Variants in BLNK observed in about 807,000 individuals in gnomAD.
The protein encoded by BLNK is B cell linker.
In BLNK, 29 loss-of-function variants were observed where a neutral mutation model predicts 73.5. The ratio of observed to expected loss-of-function variants is 0.39; its 90% CI spans 0.29 to 0.54. The LOEUF is 0.54. Ranked by LOEUF, BLNK falls within the 20% of genes least tolerant of loss-of-function variation. The pLI, the probability that BLNK is intolerant of heterozygous loss-of-function variation, is 0.61. For missense variants in BLNK, 460 were observed against 562.8 expected (o/e 0.82, Z 1.85); for synonymous variants, 176 against 200.8 (o/e 0.88, Z 1.04).
rs966741951 is a variant in BLNK at position 96,207,052 on chromosome 10, G to A, written c.776C>T (p.Thr259Ile). ...AGCATTCTGTTGAGAGGCAACTGGA[G>A]TCTATGTAAAAGAAAAAAAGGCAAG... ...GKKPTTPLKTTPVASQQNASS... is the reference protein window; with the variant it reads ...GKKPTTPLKTIPVASQQNASS... The change falls in exon 11 of 17, where the codon ACT (threonine) becomes ATT (isoleucine). Residue 259 changes from threonine (T) to isoleucine (I), a missense_variant and splice_region_variant. Transcript: ENST00000224337. The A allele has an allele frequency of 1.2e-6, 2 of 1,613,746 alleles. No individual in the cohort carries two copies. The highest frequency in any genetic ancestry group is 3.3e-5 in the Admixed American group (2 of 60,006).
At chr10:96,259,670 CTT>C (rs57821919) in intron 1 of BLNK, among the ~76,000 whole-genome samples, 1 of 44,870 alleles carries the variant, frequency 2.2e-5, no homozygotes, top group African/African-American at 9.7e-5. Context: ...CACACCCTAC[CTT>C]TTTTTTTTTT....
intron 2 of BLNK, among the ~76,000 whole-genome samples, chr10:96,246,460 G>C (rs932283086): frequency 2.0e-5 from 3 of 152,218 alleles, no homozygotes; most frequent in Non-Finnish European, 4.4e-5. Flanking sequence ...GCCGAGGCAG[G>C]AGAATCGCTT....
intron 2 of BLNK, among the ~76,000 whole-genome samples, chr10:96,243,023 A>C (rs1333761494): frequency 1.3e-5 from 2 of 152,172 alleles, no homozygotes; most frequent in Non-Finnish European, 2.9e-5. Context: ...GGCAAAGGTG[A>C]AGTCAGGTGG....
At chr10:96,254,461 G>A (rs945634328) in intron 1 of BLNK, among the ~76,000 whole-genome samples, 9 of 152,118 alleles carry the variant, frequency 5.9e-5, no homozygotes, top group Admixed American at 5.2e-4. Context: ...ACTCTAACCC[G>A]AGGAGCTGAC....
intron 3 of BLNK, among the ~76,000 whole-genome samples, chr10:96,231,163 G>A (rs189649846): frequency 1.1e-3 from 173 of 152,292 alleles, no homozygotes; most frequent in South Asian, 2.1e-3. Context: ...AGAGGATGGC[G>A]TAGTAGGAAC....
intron 1 of BLNK, among the ~76,000 whole-genome samples, chr10:96,266,223 C>T (rs1304053892): frequency 2.0e-5 from 3 of 152,166 alleles, no homozygotes; most frequent in African/African-American, 7.2e-5. Flanking sequence ...AAATACATGC[C>T]TGAAGAGTTT....
chr10:96,257,901 C>T (rs1843584946), intron 1 of BLNK, among the ~76,000 whole-genome samples: 1 of 152,204 alleles, frequency 6.6e-6, no homozygotes, highest in African/African-American at 2.4e-5. Flanking sequence ...TATAGGCAGA[C>T]CGGAGAATTC....
At chr10:96,246,954 A>G in intron 2 of BLNK, 30 bp downstream of exon 2, 7 of 1,487,610 alleles carry the variant, frequency 4.7e-6, no homozygotes, top group Non-Finnish European at 6.5e-6. Flanking sequence ...TATTTTATAT[A>G]ATTAAGTATT....
chr10:96,263,022 C>T (rs1206210919), intron 1 of BLNK, among the ~76,000 whole-genome samples: 11 of 152,180 alleles, frequency 7.2e-5, no homozygotes, highest in African/African-American at 2.7e-4. Flanking sequence ...TTTCAGTCCT[C>T]GCAAGGCGAA....
intron 8 of BLNK, chr10:96,210,241 C>G: frequency 2.6e-6 from 1 of 386,656 alleles, no homozygotes; most frequent in South Asian, 2.3e-5. Context: ...AGGACCCCCA[C>G]AGAGGTCCTT....
intron 16 of BLNK, among the ~76,000 whole-genome samples, chr10:96,196,538 G>A (rs587631522): frequency 2.0e-5 from 3 of 152,216 alleles, no homozygotes; most frequent in South Asian, 4.2e-4. Flanking sequence ...CTTGGTACTT[G>A]AGTTGAGATT....
At chr10:96,199,315 A>G (rs1203246094) in intron 15 of BLNK, among the ~76,000 whole-genome samples, 1 of 152,232 alleles carries the variant, frequency 6.6e-6, no homozygotes, top group African/African-American at 2.4e-5. Flanking sequence ...GTGTTCCTAC[A>G]TGATTGAAGT....
chr10:96,231,588 G>A (rs782756648), intron 3 of BLNK, among the ~76,000 whole-genome samples: 2 of 152,082 alleles, frequency 1.3e-5, no homozygotes, highest in Non-Finnish European at 2.9e-5. Flanking sequence ...TTAGCTGGGT[G>A]TGGTGGTCCA....
intron 3 of BLNK, among the ~76,000 whole-genome samples, chr10:96,235,627 A>G (rs920169576): frequency 1.3e-5 from 2 of 152,202 alleles, no homozygotes; most frequent in African/African-American, 4.8e-5. Flanking sequence ...CATTGCCAGG[A>G]GCGGGGAAAG....
Position 96,190,190 on chromosome 10 carries a change from G to C in BLNK, c.*1783C>G. 1.3e-6 allele frequency: 1 copy of C among 789,480 alleles called. No individual in the cohort carries two copies. Among genetic ancestry groups the C allele is most frequent in the Non-Finnish European group, 2.2e-6 (1 of 445,180 alleles). The allele number at this position is 789,480 out of a possible 1,614,324, so 48.9% of individuals were successfully genotyped here. On this transcript the variant is annotated 3_prime_UTR_variant, in exon 17 of 17. Coordinates refer to ENST00000224337, the MANE Select transcript of BLNK (RefSeq NM_013314.4). ...AAAAGATAGTTCTGGGCCTCAGGGGGCTCACGTCCATGTCCATCGAATCTT... is the reference window on the plus strand; with the variant it reads ...AAAAGATAGTTCTGGGCCTCAGGGGCCTCACGTCCATGTCCATCGAATCTT...
chr10:96,189,817 G>A lies in BLNK; in HGVS notation c.*2156C>T. 4 of 1,179,074 alleles carry A rather than the reference G, an allele frequency of 3.4e-6. No individual in the cohort carries two copies. Among genetic ancestry groups the A allele is most frequent in the Non-Finnish European group, 5.0e-6 (4 of 798,514 alleles). The allele number at this position is 1,179,074 out of a possible 1,614,324, so 73.0% of individuals were successfully genotyped here. On this transcript the variant is annotated 3_prime_UTR_variant, in exon 17 of 17. Coordinates refer to ENST00000224337, the MANE Select transcript of BLNK (RefSeq NM_013314.4). ...CAGATCACTTTCCAGATATCCTTAA[G>A]AGTTTCACATCCTCCTCCTCTTCAT...
chr10:96,195,572 C>T (rs2083444648), intron 16 of BLNK, among the ~76,000 whole-genome samples: 1 of 152,192 alleles, frequency 6.6e-6, no homozygotes, highest in African/African-American at 2.4e-5. Flanking sequence ...AGGACAAATA[C>T]TGTGTGATTC....
intron 7 of BLNK, 141 bp downstream of exon 7, chr10:96,216,512 A>T: frequency 1.3e-6 from 1 of 747,782 alleles, no homozygotes; most frequent in Non-Finnish European, 2.4e-6. Context: ...CCAACCAGCC[A>T]AAGAAGCACA....
At chr10:96,209,698 G>T in intron 9 of BLNK, 140 bp downstream of exon 9, 2 of 1,059,938 alleles carry the variant, frequency 1.9e-6, no homozygotes, top group Non-Finnish European at 2.9e-6. Context: ...TGGCTCATTT[G>T]ATGTTAGCAG....
Sources: gnomAD v4.1 joint callset for allele counts (sites outside exome capture counted in the v4.1 genomes callset) on GRCh38, gnomAD v4.1.1 for gene constraint, MANE v1.5 for transcripts, NCBI Gene and HGNC (gene_info 2026-07-23, HGNC 2026-07-21) for gene names.